Variants in GLCCI1 observed in about 807,000 individuals in gnomAD.
The protein encoded by GLCCI1 is glucocorticoid-induced transcript 1 protein.
In GLCCI1, 24 loss-of-function variants were observed where a neutral mutation model predicts 52.2. The ratio of observed to expected loss-of-function variants is 0.46; its 90% confidence interval spans 0.33 to 0.65. The LOEUF (loss-of-function observed/expected upper bound fraction) is 0.65, where lower values mean the gene tolerates loss of function less well. Among genes scored for constraint, GLCCI1 ranks in the 30% least tolerant of loss-of-function variants. The pLI is 0.02. For synonymous variants in GLCCI1, 310 were observed against 276.5 expected (o/e 1.12, Z -1.20); for missense variants, 704 against 701.5 (o/e 1.00, Z -0.04).
Position 8,003,936 on chromosome 7 carries a change from G to A in GLCCI1, c.486G>A (p.Arg162=). Reference sequence around the variant, plus strand: ...ACAAGGCAAAATCTCAGCAAGTTCGGACCTCTAGTACAATAAGGCGAACCT... The same window carrying A: ...ACAAGGCAAAATCTCAGCAAGTTCGAACCTCTAGTACAATAAGGCGAACCT... ...RADKAKSQQV[R]TSSTIRRTSS... is the part of the protein sequence containing the mutation. The change falls in exon 2 of 8, where the codon CGG becomes CGA. Residue 162 remains arginine, a synonymous_variant. Coordinates refer to ENST00000223145, the MANE Select transcript of GLCCI1 (RefSeq NM_138426.4). The A allele has an allele frequency of 6.2e-7, 1 of 1,611,924 alleles. No individual in the cohort carries two copies. The highest frequency in any genetic ancestry group is 8.5e-7 in the Non-Finnish European group (1 of 1,178,846).
chr7:8,073,545 C>A (rs1440354369), intron 6 of GLCCI1, among the ~76,000 whole-genome samples: 3 of 152,020 alleles, frequency 2.0e-5, no homozygotes, highest in Admixed American at 6.5e-5. Context: ...TGGTTCAGAT[C>A]ATCTCTAAAG....
chr7:8,028,898 A>G (rs1040437534), intron 3 of GLCCI1, among the ~76,000 whole-genome samples: 1 of 152,164 alleles, frequency 6.6e-6, no homozygotes, highest in Non-Finnish European at 1.5e-5. Context: ...CCAAGACAGA[A>G]TCATGAAGAA....
intron 2 of GLCCI1, among the ~76,000 whole-genome samples, chr7:8,021,645 C>G (rs1436032466): frequency 6.6e-6 from 1 of 152,148 alleles, no homozygotes; most frequent in Non-Finnish European, 1.5e-5. Flanking sequence ...TCAGGTGATC[C>G]ACCCGCCTTG....
chr7:8,035,376 T>C (rs533178538), intron 3 of GLCCI1, among the ~76,000 whole-genome samples: 3 of 152,280 alleles, frequency 2.0e-5, no homozygotes, highest in African/African-American at 7.2e-5. Context: ...AAGGGATATC[T>C]CTCCTCTGCA....
chr7:8,056,540 A>G lies in GLCCI1; in HGVS notation c.813+991A>G, dbSNP rs370636895. Among the ~76,000 whole-genome samples the G allele has an allele frequency of 4.6e-4, 70 of 152,324 alleles. 1 individual carries two copies. Among genetic ancestry groups the G allele is most frequent in the African/African-American group, 1.6e-3 (68 of 41,572 alleles). On this transcript the variant is annotated intron_variant, in intron 4 of 7. Transcript: ENST00000223145. ...TTTTCCCCTAGAAGTAAATACTAAC[A>G]TATCCCATGGAACAAAATAGTAGTG...
At chr7:7,979,276 T>TA (rs147777396) in intron 1 of GLCCI1, among the ~76,000 whole-genome samples, 2,184 of 152,008 alleles carry the variant, frequency 0.014, 39 homozygotes, top group East Asian at 0.037. Flanking sequence ...TCTTAGTTTG[T>TA]AAAAAAAACG....
At chr7:8,016,959 G>A (rs1371590816) in intron 2 of GLCCI1, among the ~76,000 whole-genome samples, 1 of 152,184 alleles carries the variant, frequency 6.6e-6, no homozygotes, top group African/African-American at 2.4e-5. Flanking sequence ...GCATAGAAAT[G>A]ACACAAGTGA....
chr7:8,019,214 G>C (rs1315589737), intron 2 of GLCCI1, among the ~76,000 whole-genome samples: 1 of 152,140 alleles, frequency 6.6e-6, no homozygotes, highest in Non-Finnish European at 1.5e-5. Context: ...TTCTATATTT[G>C]TGTTGTCCTA....
chr7:7,991,783 A>T (rs1467996478), intron 1 of GLCCI1, among the ~76,000 whole-genome samples: 1 of 152,158 alleles, frequency 6.6e-6, no homozygotes, highest in East Asian at 1.9e-4. Flanking sequence ...TCTCCATAAA[A>T]GGAACTACTA....
intron 1 of GLCCI1, among the ~76,000 whole-genome samples, chr7:7,972,040 C>T (rs1780364887): frequency 6.6e-6 from 1 of 152,156 alleles, no homozygotes; most frequent in South Asian, 2.1e-4. Flanking sequence ...ACCCCCACTA[C>T]CCAAATTAAA....
intron 1 of GLCCI1, among the ~76,000 whole-genome samples, chr7:7,991,406 T>C (rs1267309701): frequency 6.6e-6 from 1 of 152,116 alleles, no homozygotes; most frequent in Non-Finnish European, 1.5e-5. Context: ...AGAATGCAGA[T>C]AATTTTCCAA....
At chr7:8,072,404 C>A (rs1782782815) in intron 6 of GLCCI1, among the ~76,000 whole-genome samples, 1 of 152,132 alleles carries the variant, frequency 6.6e-6, no homozygotes, top group Admixed American at 6.5e-5. Flanking sequence ...TGTGGACCCC[C>A]TTCCTTCATT....
rs182916378 is a variant in GLCCI1, at chr7:8,000,336, A to G, written c.458-3572A>G. Among the ~76,000 whole-genome samples, 161 of 152,324 alleles carry G rather than the reference A, an allele frequency of 1.1e-3. 2 individuals carry two copies. The South Asian group carries it at 0.02, about 19-fold the overall frequency. On this transcript the variant is annotated intron_variant, in intron 1 of 7. Transcript: ENST00000223145. ...AATATTCAAAAAGTTAATATAAATA[A>G]CTTCTAGTAGTATTAATAGAACTAG... is the stretch of plus-strand genomic sequence containing the variant.
chr7:8,013,778 C>G (rs1327814053), intron 2 of GLCCI1, among the ~76,000 whole-genome samples: 3 of 152,226 alleles, frequency 2.0e-5, no homozygotes, highest in Admixed American at 2.0e-4. Context: ...TATTTAATAT[C>G]TAATTTACAT....
At chr7:8,055,689 T>G (rs563579501) in intron 4 of GLCCI1, 140 bp downstream of exon 4, 16 of 631,188 alleles carry the variant, frequency 2.5e-5, no homozygotes, top group South Asian at 1.7e-4. Context: ...ATAAAAAGAT[T>G]GTTAGAAAGC....
chr7:7,971,977 C>T (rs555562161), intron 1 of GLCCI1, among the ~76,000 whole-genome samples: 2 of 152,196 alleles, frequency 1.3e-5, no homozygotes, highest in South Asian at 2.1e-4. Context: ...CTTCTGTGCC[C>T]CCAGTTCCGT....
At chr7:8,082,817 A>G (rs564559761) in intron 6 of GLCCI1, among the ~76,000 whole-genome samples, 1 of 152,352 alleles carries the variant, frequency 6.6e-6, no homozygotes, top group East Asian at 1.9e-4. Context: ...AGTTTTGCAG[A>G]TAGATTAGCC....
At chr7:8,005,877 C>T (rs560412223) in intron 2 of GLCCI1, among the ~76,000 whole-genome samples, 20 of 152,022 alleles carry the variant, frequency 1.3e-4, no homozygotes, top group Non-Finnish European at 2.1e-4. Context: ...CAGCTCACTG[C>T]ACCCTCCGCC....
chr7:8,020,852 AAATT>A (rs1478628070), intron 2 of GLCCI1, among the ~76,000 whole-genome samples: 1 of 152,208 alleles, frequency 6.6e-6, no homozygotes, highest in African/African-American at 2.4e-5. Context: ...ATTTTGGAAT[AAATT>A]CATTATTAAG....
Sources: allele counts gnomAD v4.1 joint callset (sites outside exome capture counted in the v4.1 genomes callset), GRCh38; gene constraint gnomAD v4.1.1; transcripts MANE v1.5; gene names NCBI Gene and HGNC (gene_info 2026-07-23, HGNC 2026-07-21).